Variants in CTNNA1 observed in about 807,000 individuals in gnomAD.
CTNNA1 encodes the protein catenin alpha 1.
In CTNNA1, 37 loss-of-function variants were observed where a neutral mutation model predicts 98.4. The observed-to-expected ratio is 0.38, with a 90% confidence interval of 0.29 to 0.49. The LOEUF (loss-of-function observed/expected upper bound fraction) is 0.49. CTNNA1 is among the 20% of genes least tolerant of loss of function. CTNNA1 has a pLI of 0.95. For missense variants in CTNNA1, 761 were observed against 1,147.2 expected (o/e 0.66, Z 4.86); for synonymous variants, 404 against 413.2 (o/e 0.98, Z 0.27).
intron 1 of CTNNA1, among the ~76,000 whole-genome samples, chr5:138,759,480 A>G (rs1458458848): frequency 6.6e-6 from 1 of 152,246 alleles, no homozygotes; most frequent in African/African-American, 2.4e-5. Flanking sequence ...GAAAAAGAGA[A>G]AAATGAAGGA....
rs200685931 is a variant in CTNNA1 at position 138,831,072 on chromosome 5, CATT to C, written c.1062+3355_1062+3357del. On this transcript the variant is annotated intron_variant, in intron 7 of 17. Coordinates refer to ENST00000302763, the MANE Select transcript of CTNNA1 (RefSeq NM_001903.5). ...TTTACTACGTGGAACTTTGTATAAA[CATT>C]GTTGTAAAGTCCAGAAAGGCTCACA... 2.5e-3 allele frequency among the ~76,000 whole-genome samples: 387 copies of C among 152,260 alleles called. 1 individual carries two copies. The highest frequency in any genetic ancestry group is 8.0e-3 in the African/African-American group (333 of 41,548).
At chr5:138,767,380 G>A (rs1278955456) in intron 1 of CTNNA1, among the ~76,000 whole-genome samples, 4 of 152,112 alleles carry the variant, frequency 2.6e-5, no homozygotes, top group African/African-American at 9.7e-5. Flanking sequence ...CCACTTCACT[G>A]TGCATCCTCT....
Position 138,924,609 on chromosome 5 carries a change from C to A in CTNNA1, c.1646C>A (p.Ala549Glu), listed in dbSNP as rs2150288960. Residue 549 changes from alanine (A) to glutamate (E), a missense_variant, in exon 12 of 18, where the codon GCA (alanine) becomes GAA (glutamate). By Grantham distance (107) the Ala-to-Glu change is moderately radical. Transcript: ENST00000302763. ...ACAGCTGGTGCAATTCGAGGCCGGG[C>A]AGCCCGGGTCATTCACGTAGTCACC... is the stretch of plus-strand genomic sequence containing the variant. ...DRTAGAIRGR[A>E]ARVIHVVTSE... 1.2e-6 allele frequency: 2 copies of A among 1,613,992 alleles called. No homozygotes were observed. The highest frequency in any genetic ancestry group is 1.7e-6 in the Non-Finnish European group (2 of 1,179,960).
chr5:138,803,173 T>G (rs1310444956), intron 3 of CTNNA1, among the ~76,000 whole-genome samples: 4 of 151,784 alleles, frequency 2.6e-5, no homozygotes, highest in East Asian at 1.9e-4. Context: ...TTTTTTTTTT[T>G]GGGAGATGGG....
At chr5:138,793,676 C>T (rs1470049285) in intron 3 of CTNNA1, among the ~76,000 whole-genome samples, 1 of 152,124 alleles carries the variant, frequency 6.6e-6, no homozygotes, top group Non-Finnish European at 1.5e-5. Flanking sequence ...TAGTTAATTT[C>T]TTAAGAAAGT....
At chr5:138,926,219 C>T (rs1419748429) in intron 13 of CTNNA1, among the ~76,000 whole-genome samples, 2 of 152,198 alleles carry the variant, frequency 1.3e-5, no homozygotes, top group Admixed American at 6.5e-5. Context: ...GTGGGGTCTT[C>T]AGTCAGTTGG....
In CTNNA1 at chr5:138,775,920, G is replaced by C. The variant is rs1232274668; in HGVS notation, c.-2-6003G>C. On this transcript the variant is annotated intron_variant, in intron 1 of 17. Coordinates refer to ENST00000302763, the MANE Select transcript of CTNNA1 (RefSeq NM_001903.5). ...TTTTTGTATTTTTAGTAGAGACGGG[G>C]TTTCACCGTGTTAGGCAGGATGGTC... Among the ~76,000 whole-genome samples, 7 of 150,686 alleles carry C rather than the reference G, an allele frequency of 4.6e-5. No individual in the cohort carries two copies. The East Asian group carries it at 1.4e-3, about 29-fold the overall frequency.
chr5:138,783,199 A>T lies in CTNNA1; in HGVS notation c.128A>T (p.Asn43Ile), dbSNP rs1580984043. The T allele has an allele frequency of 6.2e-7, 1 of 1,611,590 alleles. No homozygotes were observed. ...VTQVTTLVNT[N>I]SKGPSNKKRG... ...TAGGTTACAACCCTTGTAAACACCA[A>T]TAGTAAAGGGCCCTCTAATAAGAAG... The change falls in exon 3 of 18, where the codon AAT (asparagine) becomes ATT (isoleucine). Residue 43 changes from asparagine (N) to isoleucine (I), a missense_variant. By Grantham distance (149) the Asn-to-Ile change is moderately radical. Coordinates refer to ENST00000302763, the MANE Select transcript of CTNNA1 (RefSeq NM_001903.5).
At position 138,886,510 on chromosome 5, in the gene CTNNA1, A is replaced by G. The variant is rs535595081; in HGVS notation, c.1143+218A>G. ...ATACAGTCTCACTGTGTTGGACTGA[A>G]TAAGTTAGCTCTAGTGTGAAAGGCA... is the stretch of plus-strand genomic sequence containing the variant. On this transcript the variant is annotated intron_variant, in intron 8 of 17. Transcript: ENST00000302763. Among the ~76,000 whole-genome samples the G allele has an allele frequency of 1.4e-4, 21 of 152,342 alleles. No individual in the cohort carries two copies. In the East Asian group the frequency reaches 3.7e-3, roughly 27 times the overall value.
chr5:138,850,762 C>G (rs1388335007), intron 7 of CTNNA1, among the ~76,000 whole-genome samples: 2 of 152,082 alleles, frequency 1.3e-5, no homozygotes, highest in Non-Finnish European at 2.9e-5. Flanking sequence ...TCATTTTGTT[C>G]TTTCTTAATT....
chr5:138,913,004 T>C (rs1405158860), intron 10 of CTNNA1, among the ~76,000 whole-genome samples: 2 of 152,148 alleles, frequency 1.3e-5, no homozygotes, highest in Non-Finnish European at 2.9e-5. Context: ...GACATAAATA[T>C]TGTGACTAAT....
intron 2 of CTNNA1, 176 bp downstream of exon 2, chr5:138,782,205 C>A: frequency 1.5e-6 from 1 of 672,696 alleles, no homozygotes; most frequent in Admixed American, 2.5e-5. Flanking sequence ...CTTGAGAACG[C>A]TGCTGCTGTC....
Position 138,782,047 on chromosome 5 carries a change from C to G in CTNNA1, c.105+18C>G, listed in dbSNP as rs1394737186. On this transcript the variant is annotated intron_variant, in intron 2 of 17. Transcript: ENST00000302763. Reference sequence around the variant, plus strand: ...TTACACAGGTAAGAATCTGAAAACACAAATACATTGTAACATGGTTCTATA... The same window carrying G: ...TTACACAGGTAAGAATCTGAAAACAGAAATACATTGTAACATGGTTCTATA... 1.9e-6 allele frequency: 3 copies of G among 1,602,554 alleles called. No individual in the cohort carries two copies. The highest frequency in any genetic ancestry group is 3.5e-5 in the Admixed American group (2 of 57,188).
At chr5:138,847,307 CTCCCTGTCTCCT>C (rs777347756) in intron 7 of CTNNA1, among the ~76,000 whole-genome samples, 6 of 152,082 alleles carry the variant, frequency 3.9e-5, no homozygotes, top group South Asian at 2.1e-4. Flanking sequence ...TAGTCCCTCC[CTCCCTGTCTCCT>C]TCCCTGTCTC....
At chr5:138,925,942 A>G (rs1233636671) in intron 13 of CTNNA1, among the ~76,000 whole-genome samples, 1 of 152,122 alleles carries the variant, frequency 6.6e-6, no homozygotes, top group Non-Finnish European at 1.5e-5. Context: ...CAGAGGAGAA[A>G]GGGGCCTCTA....
intron 1 of CTNNA1, among the ~76,000 whole-genome samples, chr5:138,776,373 T>C (rs1580936248): frequency 6.6e-6 from 1 of 152,254 alleles, no homozygotes; most frequent in East Asian, 1.9e-4. Flanking sequence ...AGGTCACCGA[T>C]CAACAGGATC....
chr5:138,767,615 CCCCTACTTTTT>C (rs1445888690), intron 1 of CTNNA1, among the ~76,000 whole-genome samples: 1 of 152,118 alleles, frequency 6.6e-6, no homozygotes, highest in African/African-American at 2.4e-5. Flanking sequence ...AAGCATTTTC[CCCCTACTTTTT>C]TTGGGGAAGA....
At chr5:138,910,195 A>G (rs1294658174) in intron 10 of CTNNA1, among the ~76,000 whole-genome samples, 1 of 101,536 alleles carries the variant, frequency 9.8e-6, no homozygotes, top group Non-Finnish European at 2.1e-5. Context: ...TGATTTCTGT[A>G]TCTTAAAATT....
chr5:138,868,473 A>T (rs1386439153), intron 7 of CTNNA1, among the ~76,000 whole-genome samples: 1 of 152,038 alleles, frequency 6.6e-6, no homozygotes, highest in East Asian at 1.9e-4. Context: ...TGCTGCTGGG[A>T]TGGACATCAA....
Sources: gnomAD v4.1 joint callset for allele counts (sites outside exome capture counted in the v4.1 genomes callset) on GRCh38, gnomAD v4.1.1 for gene constraint, MANE v1.5 for transcripts, NCBI Gene and HGNC (gene_info 2026-07-23, HGNC 2026-07-21) for gene names.